NCKAP5: variants seen among roughly 807,000 people sequenced by gnomAD.
NCKAP5 encodes nck-associated protein 5.
NCKAP5 carries 92 observed loss-of-function variants against 167.0 expected under a neutral mutation model. The observed-to-expected ratio is 0.55, with a 90% CI of 0.47 to 0.66. The LOEUF is 0.66. Ranked by LOEUF, NCKAP5 falls within the 30% of genes least tolerant of loss-of-function variation. The pLI is 0.00. For missense variants in NCKAP5, 2,378 were observed against 2,315.0 expected, an observed-to-expected ratio of 1.03 and a Z score of -0.56; for synonymous variants, 891 against 877.4, an observed-to-expected ratio of 1.02 and a Z score of -0.27.
intron 11 of NCKAP5, among the ~76,000 whole-genome samples, chr2:132,860,114 A>T (rs1018753742): frequency 7.9e-5 from 12 of 152,064 alleles, no homozygotes; most frequent in African/African-American, 1.2e-4. Context: ...AGTTTGAAAT[A>T]AAAAAAATGT....
chr2:133,216,737 T>G (rs939083164), intron 4 of NCKAP5, among the ~76,000 whole-genome samples: 1 of 151,924 alleles, frequency 6.6e-6, no homozygotes, highest in African/African-American at 2.4e-5. Flanking sequence ...TGTTTAAAAG[T>G]GATATAGAAA....
chr2:132,783,078 C>T lies in NCKAP5; in HGVS notation c.3733G>A (p.Gly1245Arg). 6.2e-7 allele frequency: 1 copy of T among 1,613,820 alleles called. No homozygotes were observed. Among genetic ancestry groups the T allele is most frequent in the South Asian group, 1.1e-5 (1 of 91,046 alleles). The part of the protein sequence containing the change: ...SSIPGSDGRD[G>R]VDNRSMRRSL... The stretch of plus-strand genomic sequence containing the variant: ...CTTCTCATGGATCTATTATCTACCC[C>T]ATCCCTTCCATCACTCCCAGGGATG... The change falls in exon 14 of 20, where the codon GGG becomes AGG. Residue 1245 changes from glycine (G) to arginine (R), a missense_variant. Gly to Arg is a moderately radical substitution (Grantham distance 125, BLOSUM62 -2). Around this residue, in one of 3 missense-constraint regions of NCKAP5, gnomAD observed 1,325 missense variants for 1,274.5 expected, o/e 1.04. Transcript: ENST00000409261.
chr2:133,671,400 G>A, the NCKAP5 span, among the ~76,000 whole-genome samples: 1 of 152,090 alleles, frequency 6.6e-6, no homozygotes, highest in South Asian at 2.1e-4. Flanking sequence ...AAAAGGTGGA[G>A]CCTTTAAGAG....
At chr2:133,514,920 C>A (rs1683853269) in intron 3 of NCKAP5, among the ~76,000 whole-genome samples, 1 of 151,902 alleles carries the variant, frequency 6.6e-6, no homozygotes, top group Non-Finnish European at 1.5e-5. Context: ...CTTTAGCATT[C>A]TAGATTCAAA....
chr2:133,383,080 T>G (rs563536426), intron 3 of NCKAP5, among the ~76,000 whole-genome samples: 1 of 152,192 alleles, frequency 6.6e-6, no homozygotes, highest in East Asian at 1.9e-4. Context: ...AATTTTTTTA[T>G]TATACTTTAA....
chr2:132,775,112 T>A (rs1189148058), intron 15 of NCKAP5, among the ~76,000 whole-genome samples: 1 of 152,182 alleles, frequency 6.6e-6, no homozygotes, highest in Non-Finnish European at 1.5e-5. Context: ...TGCAATGCAA[T>A]GGGTGTCCCG....
chr2:133,093,459 C>T (rs2217747), intron 6 of NCKAP5, among the ~76,000 whole-genome samples: 59,068 of 152,088 alleles, frequency 0.39, 13,471 homozygotes, highest in East Asian at 0.96. Flanking sequence ...GCAATGACTT[C>T]TGCACAAAAC....
chr2:132,741,213 G>A (rs1302095468), intron 16 of NCKAP5, among the ~76,000 whole-genome samples: 1 of 152,020 alleles, frequency 6.6e-6, no homozygotes, highest in Non-Finnish European at 1.5e-5. Flanking sequence ...TATTGGTCTA[G>A]TATTCCAGAA....
chr2:133,407,038 C>T (rs1688483169), intron 3 of NCKAP5, among the ~76,000 whole-genome samples: 2 of 152,180 alleles, frequency 1.3e-5, no homozygotes, highest in African/African-American at 2.4e-5. Context: ...CAGAATATCC[C>T]CCTAAATGGG....
chr2:133,172,989 T>G (rs1433131332), intron 5 of NCKAP5, among the ~76,000 whole-genome samples: 3 of 152,002 alleles, frequency 2.0e-5, no homozygotes, highest in Non-Finnish European at 4.4e-5. Context: ...CGGGCTATCA[T>G]ATCTTTATGG....
At chr2:133,304,823 A>C (rs780468699) in intron 3 of NCKAP5, among the ~76,000 whole-genome samples, 47 of 152,226 alleles carry the variant, frequency 3.1e-4, no homozygotes, top group Non-Finnish European at 6.0e-4. Context: ...CAGTCTGTCA[A>C]AGGGGTTATA....
chr2:133,229,577 C>T (rs1033866344), intron 4 of NCKAP5, among the ~76,000 whole-genome samples: 2 of 152,102 alleles, frequency 1.3e-5, no homozygotes, highest in Non-Finnish European at 2.9e-5. Context: ...TTGTTTAATC[C>T]TTACCCCAAC....
the NCKAP5 span, among the ~76,000 whole-genome samples, chr2:133,633,908 T>C: frequency 6.6e-6 from 1 of 152,218 alleles, no homozygotes; most frequent in East Asian, 1.9e-4. Flanking sequence ...ACACTGGGTC[T>C]AAGATAAGAG....
At chr2:132,797,470 G>T (rs943257234) in intron 11 of NCKAP5, among the ~76,000 whole-genome samples, 3 of 152,070 alleles carry the variant, frequency 2.0e-5, no homozygotes, top group Admixed American at 1.3e-4. Context: ...AATAAAAGTC[G>T]TGATTTATGC....
At chr2:133,365,524 T>TAC (rs3083042) in intron 3 of NCKAP5, among the ~76,000 whole-genome samples, 35,931 of 149,222 alleles carry the variant, frequency 0.24, 4,268 homozygotes, top group African/African-American at 0.25. Context: ...ATACTTAGCC[T>TAC]ACACACACAC....
At chr2:133,372,968 C>T (rs1332793238) in intron 3 of NCKAP5, among the ~76,000 whole-genome samples, 1 of 152,218 alleles carries the variant, frequency 6.6e-6, no homozygotes, top group East Asian at 1.9e-4. Context: ...ATCAGTGGTA[C>T]TCAGATGTTT....
intron 6 of NCKAP5, among the ~76,000 whole-genome samples, chr2:133,070,761 G>A (rs1231018871): frequency 6.6e-6 from 1 of 152,130 alleles, no homozygotes; most frequent in African/African-American, 2.4e-5. Flanking sequence ...GTGTGTATGT[G>A]TGTGTGTATC....
the NCKAP5 span, among the ~76,000 whole-genome samples, chr2:133,632,823 T>G: frequency 6.6e-6 from 1 of 152,258 alleles, no homozygotes; most frequent in African/African-American, 2.4e-5. Flanking sequence ...GACCTGCAAC[T>G]GTGAAGAGGC....
chr2:133,444,100 C>T (rs1317249301), intron 3 of NCKAP5, among the ~76,000 whole-genome samples: 1 of 151,882 alleles, frequency 6.6e-6, no homozygotes, highest in Non-Finnish European at 1.5e-5. Context: ...ATTCTCTTGA[C>T]TGACCTAGGT....
Sources: gnomAD v4.1 joint callset for allele counts (sites outside exome capture counted in the v4.1 genomes callset) on GRCh38, gnomAD v4.1.1 for gene constraint, gnomAD v4.1.1 regional missense constraint, MANE v1.5 for transcripts, NCBI Gene and HGNC (gene_info 2026-07-23, HGNC 2026-07-21) for gene names.